Variants in RBL1 observed in about 807,000 individuals in gnomAD.
RBL1 encodes retinoblastoma-like protein 1.
A neutral mutation model predicts 123.0 loss-of-function variants in RBL1; 82 were observed. That is an observed-to-expected ratio of 0.67 (90% CI 0.56 to 0.80). RBL1 has a LOEUF of 0.80. Ranked by LOEUF, RBL1 falls within the 30% of genes least tolerant of loss-of-function variation. The probability of loss-of-function intolerance (pLI) is 0.00; values close to 1 mark genes in which losing one functional copy is unlikely to be tolerated. For missense variants in RBL1, 1,171 were observed against 1,299.6 expected (o/e 0.90, Z 1.52); for synonymous variants, 405 against 441.3 (o/e 0.92, Z 1.03).
intron 1 of RBL1, among the ~76,000 whole-genome samples, chr20:37,095,319 T>A (rs953982555): frequency 6.6e-6 from 1 of 152,306 alleles, no homozygotes; most frequent in Non-Finnish European, 1.5e-5. Flanking sequence ...CTTGGGCCTG[T>A]AGCTTAACCC....
chr20:37,036,618 T>G (rs554275312), intron 14 of RBL1, among the ~76,000 whole-genome samples: 1 of 141,096 alleles, frequency 7.1e-6, no homozygotes, highest in Non-Finnish European at 1.5e-5. Flanking sequence ...TGTAATCTAT[T>G]TTCTTTTCTT....
chr20:37,062,645 CAAAAA>C (rs60370479), intron 7 of RBL1, among the ~76,000 whole-genome samples: 3 of 40,108 alleles, frequency 7.5e-5, no homozygotes, highest in African/African-American at 3.1e-4. Context: ...GACTCTGTCT[CAAAAA>C]AAAAAAAAAA....
At chr20:37,078,356 TTGAC>T (rs1473472948) in intron 2 of RBL1, among the ~76,000 whole-genome samples, 1 of 152,254 alleles carries the variant, frequency 6.6e-6, no homozygotes, top group African/African-American at 2.4e-5. Flanking sequence ...TTGATGATCT[TTGAC>T]TGTATCAATT....
At chr20:37,055,839 C>T (rs921165293) in intron 10 of RBL1, among the ~76,000 whole-genome samples, 183 bp from the exon 11 acceptor site, 8 of 152,018 alleles carry the variant, frequency 5.3e-5, no homozygotes, top group Admixed American at 4.6e-4. Context: ...ACCTGAGGTC[C>T]GGAGTCTGAG....
At chr20:37,056,031 G>T in intron 10 of RBL1, 115 bp downstream of exon 10, 1 of 1,445,932 alleles carries the variant, frequency 6.9e-7, no homozygotes, top group Non-Finnish European at 9.1e-7. Flanking sequence ...TGGGCAACTC[G>T]GTCTCAAAAA....
intron 19 of RBL1, among the ~76,000 whole-genome samples, chr20:37,011,515 ACC>A (rs1395595578): frequency 6.6e-6 from 1 of 150,976 alleles, no homozygotes; most frequent in Admixed American, 6.6e-5. Flanking sequence ...GCTCACTGCA[ACC>A]TCAGCCCCCA....
At chr20:37,074,865 T>C (rs1021355557) in intron 2 of RBL1, among the ~76,000 whole-genome samples, 2 of 152,108 alleles carry the variant, frequency 1.3e-5, no homozygotes, top group Admixed American at 1.3e-4. Context: ...GACTCAGCAA[T>C]TCCACTCCTC....
At chr20:37,047,306 T>C (rs531205769) in intron 11 of RBL1, 116 bp from the exon 12 acceptor site, 33 of 1,193,544 alleles carry the variant, frequency 2.8e-5, no homozygotes, top group Non-Finnish European at 3.6e-5. Context: ...TTACACTAGA[T>C]TACTGGAGAT....
intron 17 of RBL1, among the ~76,000 whole-genome samples, chr20:37,021,044 C>T (rs983374811): frequency 2.0e-4 from 30 of 152,294 alleles, no homozygotes; most frequent in African/African-American, 7.2e-4. Flanking sequence ...TAATTCCCTG[C>T]AGTCTCCAGT....
rs1340289397 is a variant in RBL1 at position 36,996,578 on chromosome 20, G to A, written c.*2181C>T. 1 of 152,184 alleles carries A rather than the reference G, an allele frequency of 6.6e-6. No individual in the cohort carries two copies. The highest frequency in any genetic ancestry group is 1.5e-5 in the Non-Finnish European group (1 of 68,094). 9.4% of individuals were successfully genotyped at this position (152,184 alleles called of 1,614,324 possible). On this transcript the variant is annotated 3_prime_UTR_variant, in exon 22 of 22. Coordinates refer to ENST00000373664, the MANE Select transcript of RBL1 (RefSeq NM_002895.5). ...TCATGTCAGTCTCCTGAGTAGCTGG[G>A]ACTACAGGCACATGCCATCACACCC...
At chr20:37,035,565 T>A (rs2064596689) in intron 14 of RBL1, 57 bp from the exon 15 acceptor site, 32 of 1,387,242 alleles carry the variant, frequency 2.3e-5, no homozygotes, top group Admixed American at 8.0e-5. Flanking sequence ...TAAATTAGGT[T>A]TACTCATTCA....
intron 18 of RBL1, among the ~76,000 whole-genome samples, chr20:37,020,374 A>G (rs2064322388): frequency 6.6e-6 from 1 of 152,062 alleles, no homozygotes. Flanking sequence ...CAGGCGTGAG[A>G]CACCGCACCC....
rs149583284 is a variant in RBL1, at chr20:37,005,327, AC to A, written c.2872-1462del. On this transcript the variant is annotated intron_variant, in intron 20 of 21. Coordinates refer to ENST00000373664, the MANE Select transcript of RBL1 (RefSeq NM_002895.5). ...GAGGCTGAGTTACAGAATTGCCTGAACCCAGGAGGCAGAGGTTGCAGTGAGC... is the reference window on the plus strand; with the variant it reads ...GAGGCTGAGTTACAGAATTGCCTGAACCAGGAGGCAGAGGTTGCAGTGAGC... 1.3e-3 allele frequency among the ~76,000 whole-genome samples: 203 copies of A among 151,858 alleles called. 1 individual carries two copies. The highest frequency in any genetic ancestry group is 4.7e-3 in the African/African-American group (194 of 41,400).
At chr20:37,000,348 G>A (rs1239277217) in intron 21 of RBL1, among the ~76,000 whole-genome samples, 3 of 149,186 alleles carry the variant, frequency 2.0e-5, no homozygotes, top group East Asian at 2.2e-4. Context: ...CCGGCCAGCC[G>A]CCCCGTCCAG....
At chr20:37,037,982 G>A (rs796504244) in intron 14 of RBL1, among the ~76,000 whole-genome samples, 5 of 144,574 alleles carry the variant, frequency 3.5e-5, no homozygotes, top group East Asian at 2.0e-4. Flanking sequence ...ACTGCGCCCG[G>A]CCATTGTTTT....
chr20:37,038,927 T>G (rs968070475), intron 14 of RBL1, among the ~76,000 whole-genome samples: 2 of 152,132 alleles, frequency 1.3e-5, no homozygotes, highest in Non-Finnish European at 2.9e-5. Context: ...TGATCCTGCA[T>G]TGCATGTAAA....
Position 37,095,877 on chromosome 20 carries a change from C to T in RBL1, c.52G>A (p.Gly18Arg). 4 of 1,604,318 alleles carry T rather than the reference C, an allele frequency of 2.5e-6. No individual in the cohort carries two copies. Among genetic ancestry groups the T allele is most frequent in the Non-Finnish European group, 3.4e-6 (4 of 1,176,334 alleles). The change falls in exon 1 of 22, where the codon GGG (glycine) becomes AGG (arginine). Residue 18 changes from glycine to arginine, a missense_variant. Transcript: ENST00000373664. ...TGGCACAGGGCCTGTAGCGCCTCCC[C>T]GGCTGCGGCGACCACCGCCGCCCCC... Reference protein sequence around the residue: ...AEGAAVVAAAGEALQALCQEL... With the variant: ...AEGAAVVAAAREALQALCQEL...
intron 15 of RBL1, among the ~76,000 whole-genome samples, chr20:37,033,885 G>A (rs2064558226): frequency 6.6e-6 from 1 of 151,938 alleles, no homozygotes; most frequent in Admixed American, 6.6e-5. Context: ...CCAAAGTGCT[G>A]GGATTATAGG....
chr20:37,012,697 G>A (rs1264127990), intron 19 of RBL1, among the ~76,000 whole-genome samples: 1 of 151,570 alleles, frequency 6.6e-6, no homozygotes, highest in Non-Finnish European at 1.5e-5. Context: ...GGAGGTGGGG[G>A]TCAACCCCCG....
Sources: allele counts gnomAD v4.1 joint callset (sites outside exome capture counted in the v4.1 genomes callset), GRCh38; gene constraint gnomAD v4.1.1; transcripts MANE v1.5; gene names NCBI Gene and HGNC (gene_info 2026-07-23, HGNC 2026-07-21).